Variants in CKAP2 observed in about 807,000 individuals in gnomAD.
CKAP2 encodes cytoskeleton associated protein 2.
Under a neutral mutation model 58.4 loss-of-function variants are expected in CKAP2, and 46 were observed. That is an observed-to-expected ratio of 0.79 (90% confidence interval 0.62 to 1.01). CKAP2 has a LOEUF of 1.01. Ranked by LOEUF, CKAP2 falls within the 50% of genes least tolerant of loss-of-function variation. CKAP2 has a pLI of 0.00. For synonymous variants in CKAP2, 293 were observed against 280.9 expected (o/e 1.04, Z -0.43); for missense variants, 809 against 796.4 (o/e 1.02, Z -0.19).
At chr13:52,458,784 G>C (rs1958526265) in intron 2 of CKAP2, among the ~76,000 whole-genome samples, 2 of 151,926 alleles carry the variant, frequency 1.3e-5, no homozygotes, top group Admixed American at 6.6e-5. Context: ...TTGAACCTGG[G>C]AGGCGGAGGT....
At chr13:52,457,270 G>T (rs1207593810) in intron 2 of CKAP2, among the ~76,000 whole-genome samples, 3 of 152,110 alleles carry the variant, frequency 2.0e-5, no homozygotes, top group Non-Finnish European at 2.9e-5. Context: ...TATGTGCATA[G>T]ACTAGATTAT....
chr13:52,467,123 A>G (rs1019797204), intron 6 of CKAP2, among the ~76,000 whole-genome samples: 12 of 150,110 alleles, frequency 8.0e-5, no homozygotes, highest in Admixed American at 3.3e-4. Flanking sequence ...AAAAAAAATT[A>G]GCCAAGAAAA....
intron 8 of CKAP2, among the ~76,000 whole-genome samples, chr13:52,474,625 C>A (rs557963794): frequency 1.3e-5 from 2 of 152,336 alleles, no homozygotes; most frequent in East Asian, 3.9e-4. Flanking sequence ...TTACTTTAAT[C>A]TGTGTGTTAT....
chr13:52,469,331 G>A (rs1386031567), intron 7 of CKAP2, among the ~76,000 whole-genome samples: 5 of 152,086 alleles, frequency 3.3e-5, no homozygotes, highest in African/African-American at 9.7e-5. Flanking sequence ...TTAAAATGAG[G>A]CAGTTTGACT....
chr13:52,463,339 A>G (rs1418540882), intron 5 of CKAP2, among the ~76,000 whole-genome samples: 2 of 152,194 alleles, frequency 1.3e-5, no homozygotes, highest in Admixed American at 1.3e-4. Context: ...AACCATTAGA[A>G]AGCAAAGGTG....
chr13:52,456,071 G>C, intron 1 of CKAP2: 1 of 1,022,354 alleles, frequency 9.8e-7, no homozygotes, highest in Non-Finnish European at 1.2e-6. Context: ...CTTCTCCTTC[G>C]ACTTTATGGA....
chr13:52,460,823 C>G, intron 2 of CKAP2, 76 bp from the exon 3 acceptor site: 1 of 1,195,422 alleles, frequency 8.4e-7, no homozygotes, highest in Non-Finnish European at 1.2e-6. Context: ...TTAACATTGC[C>G]CTCTTCTTCC....
Position 52,476,560 on chromosome 13 carries a change from A to G in CKAP2, c.*1419A>G, listed in dbSNP as rs981180739. 6.6e-6 allele frequency: 1 copy of G among 152,168 alleles called. No individual in the cohort carries two copies. The highest frequency in any genetic ancestry group is 2.4e-5 in the African/African-American group (1 of 41,448). The allele number at this position is 152,168 out of a possible 1,614,324, so 9.4% of individuals were successfully genotyped here. A position where few individuals can be genotyped will look rare whatever the true frequency, so the allele number is the denominator to read the frequency against. The stretch of plus-strand genomic sequence containing the variant: ...TTTTCACTTTAACAAAAACATAACT[A>G]TGCCCTTGTTTTTTCATACTTTGAC... On this transcript the variant is annotated 3_prime_UTR_variant, in exon 9 of 9. Transcript: ENST00000258607.
At chr13:52,456,038 A>C in intron 1 of CKAP2, 1 of 1,039,276 alleles carries the variant, frequency 9.6e-7, no homozygotes, top group Non-Finnish European at 1.2e-6. Context: ...GGGTCGCATC[A>C]TGTGTTATTT....
chr13:52,460,508 G>A (rs1163732505), intron 2 of CKAP2, among the ~76,000 whole-genome samples: 8 of 150,856 alleles, frequency 5.3e-5, no homozygotes, highest in African/African-American at 1.5e-4. Flanking sequence ...GCAGTGGCTC[G>A]ATCTTGGCTC....
At position 52,473,916 on chromosome 13, in the gene CKAP2, A is replaced by G; in HGVS notation, c.1634A>G (p.Lys545Arg). Residue 545 changes from lysine (K) to arginine (R), a missense_variant, in exon 8 of 9, where the codon AAA becomes AGA. Physicochemically the swap from Lys to Arg is conservative, Grantham distance 26. Coordinates refer to ENST00000258607, the MANE Select transcript of CKAP2 (RefSeq NM_018204.5). ...ACAGGTGTTGATGTAGATCCAGAAA[A>G]ACTGGAAATGGAGAGTAAACTTCAT... is the stretch of plus-strand genomic sequence containing the variant. ...EDTGVDVDPE[K>R]LEMESKLHRN... 6.2e-7 allele frequency: 1 copy of G among 1,613,990 alleles called. No homozygotes were observed. The highest frequency in any genetic ancestry group is 8.5e-7 in the Non-Finnish European group (1 of 1,179,934).
chr13:52,456,640 A>G (rs754284144), intron 2 of CKAP2, 33 bp downstream of exon 2: 7 of 1,497,740 alleles, frequency 4.7e-6, no homozygotes, highest in South Asian at 1.1e-5. Flanking sequence ...TCACTTCTGT[A>G]AAATTGTATC....
rs762200946 is a variant in CKAP2 at position 52,461,779 on chromosome 13, C to T, written c.953C>T (p.Ala318Val). Residue 318 changes from alanine to valine, a missense_variant, in exon 4 of 9, where the codon GCA becomes GTA. Physicochemically the swap from Ala to Val is moderately conservative, Grantham distance 64. Coordinates refer to ENST00000258607, the MANE Select transcript of CKAP2 (RefSeq NM_018204.5). ...IRNKTLSRSI[A>V]SEVIARPASL... is the part of the protein sequence containing the mutation. ...AATAAGACTCTATCAAGATCCATAG[C>T]ATCTGAAGTTATAGCCAGGCCTGCT... 1 of 1,613,990 alleles carries T rather than the reference C, an allele frequency of 6.2e-7. No homozygotes were observed.
intron 8 of CKAP2, among the ~76,000 whole-genome samples, chr13:52,474,380 C>G (rs1422513166): frequency 6.6e-6 from 1 of 151,868 alleles, no homozygotes; most frequent in Admixed American, 6.6e-5. Flanking sequence ...TCCCAGCTAC[C>G]TGGGAGGCTG....
At chr13:52,456,502 G>GC in intron 1 of CKAP2, 21 bp from the exon 2 acceptor site, 1 of 1,556,094 alleles carries the variant, frequency 6.4e-7, no homozygotes, top group Non-Finnish European at 8.8e-7. Flanking sequence ...TTGACTTGTA[G>GC]CTCTTACCTT....
intron 6 of CKAP2, among the ~76,000 whole-genome samples, chr13:52,467,078 T>G (rs1958689400): frequency 7.3e-6 from 1 of 136,236 alleles, no homozygotes; most frequent in Admixed American, 7.9e-5. Flanking sequence ...CCATCCTGAG[T>G]CAACAGAGCA....
At chr13:52,466,292 G>T (rs1344398837) in intron 6 of CKAP2, among the ~76,000 whole-genome samples, 2 of 151,974 alleles carry the variant, frequency 1.3e-5, no homozygotes, top group Admixed American at 6.6e-5. Flanking sequence ...TTTTGACCAG[G>T]TTTCTCAGAA....
chr13:52,462,457 G>T lies in CKAP2; in HGVS notation c.1195G>T (p.Glu399Ter), dbSNP rs1958601460. The T allele has an allele frequency of 1.2e-6, 2 of 1,614,062 alleles. No homozygotes were observed. Among genetic ancestry groups the T allele is most frequent in the East Asian group, 4.5e-5 (2 of 44,866 alleles). Residue 399 changes from glutamate (E) to a stop codon, truncating the protein, a stop_gained, in exon 5 of 9, where the codon GAA becomes TAA. Transcript: ENST00000258607. LOFTEE classifies it high-confidence loss of function. Reference sequence around the variant, plus strand: ...TCAGCATGAGCCTGCAGGACAAAATGAAAAACCAGTTGGGTCTTTTTGGAC... The same window carrying T: ...TCAGCATGAGCCTGCAGGACAAAATTAAAAACCAGTTGGGTCTTTTTGGAC... ...VTQHEPAGQN[E>*]KPVGSFWTTM...
Position 52,461,646 on chromosome 13 carries a change from A to AC in CKAP2, c.821dup (p.Ser275PhefsTer12), listed in dbSNP as rs1157583235. The AC allele has an allele frequency of 1.2e-6, 2 of 1,614,060 alleles. No homozygotes were observed. Among genetic ancestry groups the AC allele is most frequent in the African/African-American group, 2.7e-5 (2 of 74,926 alleles). On this transcript the variant is annotated frameshift_variant, in exon 4 of 9. Transcript: ENST00000258607. LOFTEE classifies it high-confidence loss of function. ...CACTGTGAAACAAGGCATCAGTAGAACTTCTGCCAATGTTACAATCCGGAA... is the reference window on the plus strand; with the variant it reads ...CACTGTGAAACAAGGCATCAGTAGAACCTTCTGCCAATGTTACAATCCGGAA...
Sources: gnomAD v4.1 joint callset for allele counts (sites outside exome capture counted in the v4.1 genomes callset) on GRCh38, gnomAD v4.1.1 for gene constraint, MANE v1.5 for transcripts, NCBI Gene and HGNC (gene_info 2026-07-23, HGNC 2026-07-21) for gene names.